The following NAAA variants were observed in gnomAD, a reference collection of about 807,000 sequenced individuals.
The protein encoded by NAAA is N-acylethanolamine-hydrolyzing acid amidase.
NAAA carries 39 observed loss-of-function variants against 44.8 expected under a neutral mutation model. The ratio of observed to expected loss-of-function variants is 0.87; its 90% CI spans 0.67 to 1.14. NAAA has a LOEUF of 1.14. Among genes scored for constraint, NAAA ranks in the 50% most tolerant of loss-of-function variants. The probability of loss-of-function intolerance (pLI) is 0.00; values close to 1 mark genes in which losing one functional copy is unlikely to be tolerated. For missense variants in NAAA, 460 were observed against 467.8 expected (o/e 0.98, Z 0.15); for synonymous variants, 178 against 191.3 (o/e 0.93, Z 0.58).
chr4:75,927,793 A>AT lies in NAAA; in HGVS notation c.590-1983_590-1982insA, dbSNP rs755545733. 1.2e-4 allele frequency among the ~76,000 whole-genome samples: 15 copies of AT among 130,128 alleles called. No homozygotes were observed. The South Asian group carries it at 1.2e-3, about 10-fold the overall frequency. 85.4% of individuals were successfully genotyped at this position (130,128 alleles called of 152,430 possible). A position where few individuals can be genotyped will look rare whatever the true frequency, so the allele number is the denominator to read the frequency against. On this transcript the variant is annotated intron_variant, in intron 4 of 10. Coordinates refer to ENST00000286733, the MANE Select transcript of NAAA (RefSeq NM_014435.4). ...GACAGAAAGACTCTGTCTCAAAACA[A>AT]ACAAAAAAAAATGGGCAAAGGACTT...
Position 75,940,177 on chromosome 4 carries a change from A to C in NAAA, c.207-12T>G, listed in dbSNP as rs1205293649. On this transcript the variant is annotated splice_polypyrimidine_tract_variant and intron_variant, in intron 1 of 10. Transcript: ENST00000286733. Reference sequence around the variant, plus strand: ...TGGGGACTCTGTCCCTAGAAACAAAAAGCACAAGGGCGTCTGACCCGCTCA... The same window carrying C: ...TGGGGACTCTGTCCCTAGAAACAAACAGCACAAGGGCGTCTGACCCGCTCA... 6.2e-7 allele frequency: 1 copy of C among 1,611,630 alleles called. No homozygotes were observed. Among genetic ancestry groups the C allele is most frequent in the Admixed American group, 1.7e-5 (1 of 59,958 alleles).
chr4:75,923,170 G>A (rs1481356591), intron 5 of NAAA, among the ~76,000 whole-genome samples: 1 of 152,154 alleles, frequency 6.6e-6, no homozygotes, highest in Non-Finnish European at 1.5e-5. Context: ...AGCCTCCTGA[G>A]TGTCTGGGAC....
At position 75,940,952 on chromosome 4, in the gene NAAA, C is replaced by G; in HGVS notation, c.-3G>C. 1 of 1,481,430 alleles carries G rather than the reference C, an allele frequency of 6.8e-7. No homozygotes were observed. The highest frequency in any genetic ancestry group is 8.9e-7 in the Non-Finnish European group (1 of 1,125,258). 91.8% of individuals were successfully genotyped at this position (1,481,430 alleles called of 1,614,324 possible). A position where few individuals can be genotyped will look rare whatever the true frequency, so the allele number is the denominator to read the frequency against. On this transcript the variant is annotated 5_prime_UTR_variant, in exon 1 of 11. Transcript: ENST00000286733. ...GCCTCCCGGTCCGCGGTCCGCATGG[C>G]TCGGGCTCCAGCGGCCGCAACTTGG...
chr4:75,933,579 G>A (rs551839440), intron 3 of NAAA, among the ~76,000 whole-genome samples: 30 of 152,226 alleles, frequency 2.0e-4, no homozygotes, highest in Middle Eastern at 3.4e-3. Flanking sequence ...AAGTCACATC[G>A]TAGTTTTCAA....
chr4:75,931,078 C>T, intron 4 of NAAA, 136 bp downstream of exon 4: 2 of 628,120 alleles, frequency 3.2e-6, no homozygotes, highest in Admixed American at 2.9e-5. Context: ...GCATACTGTC[C>T]ACTTTCTCCC....
At chr4:75,911,260 GC>G (rs1408391617), downstream of NAAA, 1 of 506,680 alleles carries the variant, frequency 2.0e-6, no homozygotes, top group Non-Finnish European at 3.9e-6. Context: ...GTTGCTTCAG[GC>G]CATCTGGATG....
chr4:75,939,936 C>T, intron 2 of NAAA, 65 bp downstream of exon 2: 1 of 1,575,534 alleles, frequency 6.3e-7, no homozygotes, highest in Non-Finnish European at 8.7e-7. Context: ...ATGTCTCCTC[C>T]CGCTAGTCTG....
chr4:75,934,775 A>C (rs969444843), intron 3 of NAAA: 2 of 152,238 alleles, frequency 1.3e-5, no homozygotes, highest in African/African-American at 4.8e-5. Context: ...TATATTCAGT[A>C]ACAGTCACCT....
At chr4:75,922,859 T>C (rs968233638) in intron 5 of NAAA, among the ~76,000 whole-genome samples, 2 of 152,192 alleles carry the variant, frequency 1.3e-5, no homozygotes, top group Non-Finnish European at 2.9e-5. Flanking sequence ...ACTATCAAAT[T>C]CATTTTCTCT....
intron 5 of NAAA, among the ~76,000 whole-genome samples, chr4:75,921,501 G>C (rs981723202): frequency 3.9e-5 from 6 of 152,170 alleles, no homozygotes; most frequent in African/African-American, 1.2e-4. Flanking sequence ...CTGTGCTGGT[G>C]GGGGATAGAG....
chr4:75,917,025 C>G (rs1725687614), intron 9 of NAAA: 1 of 722,116 alleles, frequency 1.4e-6, no homozygotes, highest in Non-Finnish European at 1.7e-6. Context: ...AGTGATCCAC[C>G]CGCCTCGGCT....
Position 75,920,970 on chromosome 4 carries a change from G to A in NAAA, c.820C>T (p.Leu274=). ...NRDGPADIWP[L]DPLNGAWFRV... is the part of the protein sequence containing the mutation. Reference sequence around the variant, plus strand: ...ACTTACGCTCCATTCAAAGGATCTAGAGGCCAAATGTCTGCTGGGCCATCT... The same window carrying A: ...ACTTACGCTCCATTCAAAGGATCTAAAGGCCAAATGTCTGCTGGGCCATCT... The change falls in exon 6 of 11, where the codon CTA becomes TTA. Residue 274 remains leucine (L), a synonymous_variant. Transcript: ENST00000286733. 1 of 1,613,426 alleles carries A rather than the reference G, an allele frequency of 6.2e-7. No individual in the cohort carries two copies. Among genetic ancestry groups the A allele is most frequent in the South Asian group, 1.1e-5 (1 of 90,920 alleles).
At chr4:75,913,165 CATT>C (rs1247982519), downstream of NAAA, among the ~76,000 whole-genome samples, 2 of 152,100 alleles carry the variant, frequency 1.3e-5, no homozygotes, top group African/African-American at 4.8e-5. Context: ...ATAAATGCAT[CATT>C]GACTTTCCCT....
At chr4:75,918,829 G>A (rs1055654809) in intron 8 of NAAA, 40 bp from the exon 9 acceptor site, 5 of 1,574,586 alleles carry the variant, frequency 3.2e-6, no homozygotes, top group Admixed American at 1.7e-5. Flanking sequence ...AGATTACATG[G>A]TAGAAGAAAT....
At chr4:75,910,840 T>G (rs902664462), downstream of NAAA, among the ~76,000 whole-genome samples, 1 of 152,154 alleles carries the variant, frequency 6.6e-6, no homozygotes, top group Non-Finnish European at 1.5e-5. Context: ...GACCACCAAA[T>G]AGGCTTCATG....
Position 75,940,009 on chromosome 4 carries a change from C to T in NAAA, c.363G>A (p.Glu121=). The change falls in exon 2 of 11, where the codon GAG becomes GAA. Residue 121 remains glutamate, a synonymous_variant. Transcript: ENST00000286733. ...GGGCTTGGGGCACTCACACGGAGGA[C>T]TCGTAGGCCAGGTTGACCAGAAGGC... ...ADCLLVNLAY[E]SSVFCTSIVA... 1 of 1,613,870 alleles carries T rather than the reference C, an allele frequency of 6.2e-7. No homozygotes were observed. Among genetic ancestry groups the T allele is most frequent in the Non-Finnish European group, 8.5e-7 (1 of 1,180,028 alleles).
At chr4:75,913,548 T>C, downstream of NAAA, 3 of 464,526 alleles carry the variant, frequency 6.5e-6, no homozygotes, top group Non-Finnish European at 8.5e-6. Context: ...TTCATTCCCT[T>C]GAATGCTGAC....
At chr4:75,930,402 A>G in intron 4 of NAAA, 1 of 498,744 alleles carries the variant, frequency 2.0e-6, no homozygotes, top group Non-Finnish European at 4.0e-6. Flanking sequence ...CTGTCATTTC[A>G]TCTCACAGCC....
Position 75,914,358 on chromosome 4 carries a change from C to A in NAAA, c.*37-20G>T, listed in dbSNP as rs1513889. The A allele has an allele frequency of 3.2e-6, 3 of 932,822 alleles. No homozygotes were observed. The highest frequency in any genetic ancestry group is 3.6e-5 in the African/African-American group (2 of 55,796). The allele number at this position is 932,822 out of a possible 1,614,324, so 57.8% of individuals were successfully genotyped here. A position where few individuals can be genotyped will look rare whatever the true frequency, so the allele number is the denominator to read the frequency against. On this transcript the variant is annotated intron_variant, in intron 10 of 10. Coordinates refer to ENST00000286733, the MANE Select transcript of NAAA (RefSeq NM_014435.4). ...AATCATCTGTAAGGGAAGAAAAAAACGCATTTAATTCAAAGACTGATTTTT... is the reference window on the plus strand; with the variant it reads ...AATCATCTGTAAGGGAAGAAAAAAAAGCATTTAATTCAAAGACTGATTTTT...
Sources: allele counts gnomAD v4.1 joint callset (sites outside exome capture counted in the v4.1 genomes callset), GRCh38; gene constraint gnomAD v4.1.1; transcripts MANE v1.5; gene names NCBI Gene and HGNC (gene_info 2026-07-23, HGNC 2026-07-21).